PRKAG3: variants seen among roughly 807,000 people sequenced by gnomAD.
The protein encoded by PRKAG3 is protein kinase AMP-activated non-catalytic subunit gamma 3.
In PRKAG3, 39 loss-of-function variants were observed where a neutral mutation model predicts 56.5. That is an observed-to-expected ratio of 0.69 (90% CI 0.53 to 0.90). The LOEUF is 0.90. Among genes scored for constraint, PRKAG3 ranks in the 40% least tolerant of loss-of-function variants. The pLI is 0.00. For synonymous variants in PRKAG3, 243 were observed against 250.1 expected (o/e 0.97, Z 0.27); for missense variants, 628 against 627.5 (o/e 1.00, Z -0.01).
intron 3 of PRKAG3, 119 bp from the exon 4 acceptor site, chr2:218,830,500 C>T: frequency 1.5e-6 from 2 of 1,360,728 alleles, no homozygotes; most frequent in Non-Finnish European, 2.0e-6. Context: ...GCCCTATTTG[C>T]AGGTGAGGGG....
At chr2:218,823,088 A>G, downstream of PRKAG3, 1 of 932,916 alleles carries the variant, frequency 1.1e-6, no homozygotes, top group Non-Finnish European at 1.3e-6. Context: ...TGTGGGGAAA[A>G]GAAAAGGGAA....
chr2:218,823,560 A>T (rs1943884394), exon 13 of PRKAG3: 1 of 1,100,534 alleles, frequency 9.1e-7, no homozygotes. Flanking sequence ...GAGCTTGGCC[A>T]CTCCCATCCT....
intron 10 of PRKAG3, chr2:218,826,585 C>CGT: frequency 2.8e-6 from 1 of 352,150 alleles, no homozygotes; most frequent in South Asian, 2.3e-5. Flanking sequence ...GCTGGCATTA[C>CGT]AGCCATGCAC....
At position 218,827,804 on chromosome 2, in the gene PRKAG3, G is replaced by GC. The variant is rs11385903; in HGVS notation, c.820+28dup. The GC allele has an allele frequency of 1, 1,609,235 of 1,609,268 alleles. 804,601 individuals are homozygous for GC. Among genetic ancestry groups the GC allele is most frequent in the Middle Eastern group, 1 (6,050 of 6,050 alleles). On this transcript the variant is annotated intron_variant, in intron 7 of 12. Transcript: ENST00000529249. The surrounding 1 kb of genome is among the most constrained non-coding windows in gnomAD (Gnocchi z 5.3). ...AAGCCCTGGCCCACCATCACCAACAGCCCTTTCCGGGTTCCTCTCCCCACT... is the reference window on the plus strand; with the variant it reads ...AAGCCCTGGCCCACCATCACCAACAGCCCCTTTCCGGGTTCCTCTCCCCACT...
intron 3 of PRKAG3, 99 bp downstream of exon 3, chr2:218,830,647 T>C: frequency 7.0e-7 from 1 of 1,426,666 alleles, no homozygotes. Context: ...GGTCCAACTC[T>C]GTGTTATGGA....
chr2:218,825,372 G>A (rs1173971712), intron 10 of PRKAG3, among the ~76,000 whole-genome samples: 2 of 151,760 alleles, frequency 1.3e-5, no homozygotes, highest in East Asian at 1.9e-4. Context: ...GCCGGTCGCG[G>A]TGGCTCATGC....
Position 218,827,056 on chromosome 2 carries a change from G to C in PRKAG3, c.1040C>G (p.Thr347Ser). ...TGTGCCGATGCCCAAATCTTGGATA[G>C]TGCGGTAGAGGAAGGAGGGCCGGGG... is the stretch of plus-strand genomic sequence containing the variant. The change falls in exon 10 of 13, where the codon ACT becomes AGT. Residue 347 changes from threonine (T) to serine (S), a missense_variant. Coordinates refer to ENST00000529249, the Ensembl canonical transcript of PRKAG3. This position sits in a 1 kb window ranked among gnomAD's most constrained non-coding sequence, Gnocchi z 5.3. 2 of 1,613,926 alleles carry C rather than the reference G, an allele frequency of 1.2e-6. No individual in the cohort carries two copies. The highest frequency in any genetic ancestry group is 4.5e-5 in the East Asian group (2 of 44,890).
intron 1 of PRKAG3, 37 bp downstream of exon 1, chr2:218,831,701 A>T: frequency 6.2e-7 from 1 of 1,602,252 alleles, no homozygotes; most frequent in Non-Finnish European, 8.5e-7. Flanking sequence ...TTCTGGCCTC[A>T]GCTGCCCCGG....
intron 4 of PRKAG3, 111 bp downstream of exon 4, chr2:218,829,867 G>A (rs1381352894): frequency 7.3e-7 from 1 of 1,366,910 alleles, no homozygotes; most frequent in Non-Finnish European, 1.0e-6. Context: ...GTCCTTTCAG[G>A]GGGCTTGCAG....
intron 10 of PRKAG3, among the ~76,000 whole-genome samples, chr2:218,825,698 A>G (rs1943921939): frequency 6.6e-6 from 1 of 152,032 alleles, no homozygotes; most frequent in African/African-American, 2.4e-5. Flanking sequence ...AGAAGTGAGA[A>G]TAAGGATTGG....
exon 6 of PRKAG3, chr2:218,828,062 C>A (rs774588653): frequency 1.4e-6 from 2 of 1,410,152 alleles, no homozygotes; most frequent in East Asian, 2.7e-5. Flanking sequence ...GGTCAGCATC[C>A]CTGCAGGGAG....
chr2:218,830,886 T>G, exon 3 of PRKAG3: 1 of 1,613,818 alleles, frequency 6.2e-7, no homozygotes, highest in African/African-American at 1.3e-5. Context: ...GTTTTCTTGC[T>G]CTAGGAAGCT....
chr2:218,829,466 G>A lies in PRKAG3; in HGVS notation c.633+512C>T, dbSNP rs143311861. ...CTCCAAAGTAGCTGGGATTACAGGC[G>A]CCCACCACCACGGCCGGCTAATTTT... On this transcript the variant is annotated intron_variant, in intron 4 of 12. Transcript: ENST00000529249. Among the ~76,000 whole-genome samples, 320 of 151,578 alleles carry A rather than the reference G, an allele frequency of 2.1e-3. 2 individuals are homozygous for A. Among genetic ancestry groups the A allele is most frequent in the African/African-American group, 7.4e-3 (306 of 41,240 alleles).
Position 218,823,641 on chromosome 2 carries a change from C to A in PRKAG3, c.*121G>T. The A allele has an allele frequency of 6.3e-7, 1 of 1,589,458 alleles. No homozygotes were observed. Among genetic ancestry groups the A allele is most frequent in the South Asian group, 1.1e-5 (1 of 89,930 alleles). On this transcript the variant is annotated 3_prime_UTR_variant, in exon 13 of 13. Coordinates refer to ENST00000529249, the Ensembl canonical transcript of PRKAG3. ...GCTGGTGTCATGGCCCAGGGCAGAG[C>A]CTACCTGAATCATAGCTGAACCAGC...
At position 218,830,296 on chromosome 2, in the gene PRKAG3, G is replaced by A. The variant is rs368388605; in HGVS notation, c.315C>T (p.Ala105=). ...ACCCTGTTGGTGGAGTGCCCACCCC[G>A]GCAGGATCAGCTTGAGCCAAGGGTG... is the stretch of plus-strand genomic sequence containing the variant. The change falls in exon 4 of 13, where the codon GCC becomes GCT. Residue 105 remains alanine, a synonymous_variant. Transcript: ENST00000529249. The A allele has an allele frequency of 2.2e-5, 35 of 1,613,296 alleles. No individual in the cohort carries two copies. Among genetic ancestry groups the A allele is most frequent in the African/African-American group, 5.3e-5 (4 of 75,040 alleles).
intron 5 of PRKAG3, 76 bp from the exon 6 acceptor site, chr2:218,828,138 C>G: frequency 1.5e-6 from 2 of 1,324,492 alleles, no homozygotes; most frequent in South Asian, 2.6e-5. Context: ...ATCCCCTCCC[C>G]ACCCTGCCAG....
rs1000934 is a variant in PRKAG3, at chr2:218,826,799, T to G, written c.1168+129A>C. On this transcript the variant is annotated intron_variant, in intron 10 of 12. Coordinates refer to ENST00000529249, the Ensembl canonical transcript of PRKAG3. ...CCCAAGTCTCAGAGTAGACGGAGACTTCTAATCCCCAGTCCATCCTGTACC... is the reference window on the plus strand; with the variant it reads ...CCCAAGTCTCAGAGTAGACGGAGACGTCTAATCCCCAGTCCATCCTGTACC... 9.5e-3 allele frequency: 12,062 copies of G among 1,269,104 alleles called. 724 individuals are homozygous for G. In the African/African-American group the frequency reaches 0.14, roughly 15 times the overall value. The allele number at this position is 1,269,104 out of a possible 1,614,324, so 78.6% of individuals were successfully genotyped here.
exon 1 of PRKAG3, chr2:218,831,800 G>A: frequency 6.2e-7 from 1 of 1,602,944 alleles, no homozygotes; most frequent in Non-Finnish European, 8.5e-7. Flanking sequence ...CTGAGAGCAA[G>A]TGTGCGACAC....
chr2:218,822,527 C>T (rs1213117627), downstream of PRKAG3: 1 of 152,060 alleles, frequency 6.6e-6, no homozygotes, highest in African/African-American at 2.4e-5. Flanking sequence ...TGGATTGTTC[C>T]TTTTGTTTTG....
Sources: allele counts gnomAD v4.1 joint callset (sites outside exome capture counted in the v4.1 genomes callset), GRCh38; gene constraint gnomAD v4.1.1; non-coding constraint Gnocchi (gnomAD v3.1); transcripts MANE v1.5; gene names NCBI Gene and HGNC (gene_info 2026-07-23, HGNC 2026-07-21).